Variants in RAMP1 observed in about 807,000 individuals in gnomAD.
The protein encoded by RAMP1 is receptor activity-modifying protein 1.
A neutral mutation model predicts 8.2 loss-of-function variants in RAMP1; 7 were observed. The ratio of observed to expected loss-of-function variants is 0.85; its 90% CI spans 0.49 to 1.60. The LOEUF is 1.60. Among genes scored for constraint, RAMP1 ranks in the 40% most tolerant of loss-of-function variants. The pLI is 0.00. For synonymous variants in RAMP1, 92 were observed against 84.7 expected (o/e 1.09, Z -0.47); for missense variants, 192 against 202.4 (o/e 0.95, Z 0.31).
At chr2:237,859,465 G>GC (rs895961140), upstream of RAMP1, 78 of 159,648 alleles carry the variant, frequency 4.9e-4, no homozygotes, top group South Asian at 8.1e-4. Flanking sequence ...CGCCCGCGCG[G>GC]CCCCCCTGCA....
chr2:237,900,556 T>C (rs1313190021), intron 2 of RAMP1, among the ~76,000 whole-genome samples: 1 of 152,348 alleles, frequency 6.6e-6, no homozygotes, highest in Non-Finnish European at 1.5e-5. Context: ...TGGATACTTA[T>C]TTTGTTTATT....
intron 2 of RAMP1, among the ~76,000 whole-genome samples, chr2:237,881,767 T>C (rs2062370853): frequency 6.6e-6 from 1 of 152,268 alleles, no homozygotes; most frequent in Non-Finnish European, 1.5e-5. Flanking sequence ...TTTAAAGAGT[T>C]CTTTGTATGT....
chr2:237,910,459 A>ACACAGAGAATAACAGTCACACC (rs1553541056), intron 2 of RAMP1, among the ~76,000 whole-genome samples: 25 of 152,170 alleles, frequency 1.6e-4, no homozygotes, highest in African/African-American at 6.0e-4. Context: ...TAACAGTCAC[A>ACACAGAGAATAACAGTCACACC]CACAGAGAAT....
At chr2:237,910,555 TCACA>T (rs986192108) in intron 2 of RAMP1, among the ~76,000 whole-genome samples, 2 of 141,606 alleles carry the variant, frequency 1.4e-5, no homozygotes, top group African/African-American at 5.3e-5. Flanking sequence ...AGAATAACAG[TCACA>T]CACACAGAAT....
intron 2 of RAMP1, among the ~76,000 whole-genome samples, chr2:237,894,681 AC>A (rs1208434871): frequency 6.6e-6 from 1 of 152,082 alleles, no homozygotes; most frequent in African/African-American, 2.4e-5. Context: ...ATTTATTGGC[AC>A]CTTCATCCTC....
chr2:237,897,788 T>TGGGG (rs1299504531), intron 2 of RAMP1, among the ~76,000 whole-genome samples: 80 of 123,154 alleles, frequency 6.5e-4, no homozygotes, highest in Non-Finnish European at 9.3e-4. Context: ...GGGGGGGGGT[T>TGGGG]TTGTTTTTTG....
intron 2 of RAMP1, among the ~76,000 whole-genome samples, chr2:237,887,736 C>G (rs946762611): frequency 6.6e-6 from 1 of 152,154 alleles, no homozygotes; most frequent in Non-Finnish European, 1.5e-5. Flanking sequence ...CCCAGGAGTT[C>G]GAGACCAGCC....
intron 2 of RAMP1, among the ~76,000 whole-genome samples, chr2:237,882,601 C>T (rs543331680): frequency 9.2e-5 from 14 of 152,304 alleles, no homozygotes; most frequent in African/African-American, 2.4e-4. Flanking sequence ...GTGCTGCCTC[C>T]GTCCTGGCGA....
At chr2:237,867,253 T>A (rs2062196851) in intron 1 of RAMP1, among the ~76,000 whole-genome samples, 1 of 151,200 alleles carries the variant, frequency 6.6e-6, no homozygotes. Flanking sequence ...CCACAGAAAA[T>A]ATATATACTT....
intron 1 of RAMP1, among the ~76,000 whole-genome samples, chr2:237,871,883 A>G (rs1046995226): frequency 6.6e-6 from 1 of 152,208 alleles, no homozygotes; most frequent in African/African-American, 2.4e-5. Context: ...AAAGAAAACC[A>G]CTAGATACGG....
At chr2:237,903,965 C>T (rs1407557572) in intron 2 of RAMP1, among the ~76,000 whole-genome samples, 4 of 152,210 alleles carry the variant, frequency 2.6e-5, no homozygotes, top group Admixed American at 6.5e-5. Flanking sequence ...TCTCAAACTC[C>T]TAGGCTCAAG....
At chr2:237,876,357 G>T (rs900138417) in intron 1 of RAMP1, among the ~76,000 whole-genome samples, 1 of 152,182 alleles carries the variant, frequency 6.6e-6, no homozygotes, top group African/African-American at 2.4e-5. Flanking sequence ...GGTGCCCCCA[G>T]CGTCTCCCAG....
At chr2:237,863,881 C>T (rs939163990) in intron 1 of RAMP1, among the ~76,000 whole-genome samples, 7 of 151,872 alleles carry the variant, frequency 4.6e-5, no homozygotes, top group South Asian at 2.1e-4. Flanking sequence ...CCCCAGGCCC[C>T]GGCTGTCCAC....
In RAMP1 at chr2:237,905,508, G is replaced by A. The variant is rs541140610; in HGVS notation, c.192-6020G>A. Among the ~76,000 whole-genome samples the A allele has an allele frequency of 2.6e-5, 4 of 152,328 alleles. No homozygotes were observed. The South Asian group carries it at 8.3e-4, about 32-fold the overall frequency. ...GCGTGGCCTCGGCGTGGGTTCTGTGGTGGCGTGGCTTCCTGCATCCGCTCC... is the reference window on the plus strand; with the variant it reads ...GCGTGGCCTCGGCGTGGGTTCTGTGATGGCGTGGCTTCCTGCATCCGCTCC... On this transcript the variant is annotated intron_variant, in intron 2 of 2. Coordinates refer to ENST00000254661, the MANE Select transcript of RAMP1 (RefSeq NM_005855.4).
intron 2 of RAMP1, among the ~76,000 whole-genome samples, chr2:237,896,546 C>T (rs957514167): frequency 1.3e-5 from 2 of 152,254 alleles, no homozygotes; most frequent in Non-Finnish European, 2.9e-5. Flanking sequence ...ATCACCTCAG[C>T]AAGCGCCCTT....
intron 2 of RAMP1, among the ~76,000 whole-genome samples, chr2:237,882,105 T>C (rs954986743): frequency 6.6e-6 from 1 of 152,240 alleles, no homozygotes; most frequent in Non-Finnish European, 1.5e-5. Flanking sequence ...TATCTTTTTC[T>C]GGATGCGCTA....
chr2:237,880,886 G>T (rs1484731400), intron 2 of RAMP1, among the ~76,000 whole-genome samples: 2 of 152,224 alleles, frequency 1.3e-5, no homozygotes, highest in African/African-American at 4.8e-5. Context: ...ACTGGGCACT[G>T]TAGCCTGGCC....
chr2:237,870,061 G>A (rs1461012333), intron 1 of RAMP1: 1 of 152,244 alleles, frequency 6.6e-6, no homozygotes, highest in African/African-American at 2.4e-5. Context: ...GGATTGAGGA[G>A]CCATTCGTTA....
intron 2 of RAMP1, among the ~76,000 whole-genome samples, chr2:237,907,271 G>T (rs2062662789): frequency 6.6e-6 from 1 of 152,080 alleles, no homozygotes; most frequent in Non-Finnish European, 1.5e-5. Context: ...GTGTCTATTT[G>T]GTTGTTTGCT....
Sources: gnomAD v4.1 joint callset for allele counts (sites outside exome capture counted in the v4.1 genomes callset) on GRCh38, gnomAD v4.1.1 for gene constraint, MANE v1.5 for transcripts, NCBI Gene and HGNC (gene_info 2026-07-23, HGNC 2026-07-21) for gene names.